The following GLI3 variants were observed in gnomAD, a reference collection of about 807,000 sequenced individuals.
GLI3 encodes the protein GLI family zinc finger 3.
GLI3 carries 20 observed loss-of-function variants against 100.8 expected under a neutral mutation model. That is an observed-to-expected ratio of 0.20 (90% CI 0.14 to 0.29). The LOEUF is 0.29. Ranked by LOEUF, GLI3 falls within the 10% of genes least tolerant of loss-of-function variation. The probability of loss-of-function intolerance (pLI) is 1.00; values close to 1 mark genes in which losing one functional copy is unlikely to be tolerated. For missense variants in GLI3, 2,040 were observed against 2,128.5 expected (o/e 0.96, Z 0.82); for synonymous variants, 938 against 860.5 (o/e 1.09, Z -1.58).
chr7:42,182,670 A>ATATATG (rs1787632051), intron 2 of GLI3, among the ~76,000 whole-genome samples: 1 of 73,352 alleles, frequency 1.4e-5, no homozygotes. Flanking sequence ...ATATATATAT[A>ATATATG]TATATATATA....
intron 10 of GLI3, among the ~76,000 whole-genome samples, chr7:42,005,638 T>A (rs2128723438): frequency 6.6e-6 from 1 of 152,032 alleles, no homozygotes; most frequent in South Asian, 2.1e-4. Flanking sequence ...CCTCCCCAGG[T>A]CTCCTGTCCA....
chr7:42,259,585 T>C (rs1367780636), intron 1 of GLI3, among the ~76,000 whole-genome samples: 1 of 152,240 alleles, frequency 6.6e-6, no homozygotes, highest in Non-Finnish European at 1.5e-5. Flanking sequence ...GTTATTATTA[T>C]TGCTGAACAT....
intron 7 of GLI3, among the ~76,000 whole-genome samples, chr7:42,034,015 A>C (rs1449306154): frequency 1.3e-5 from 2 of 152,226 alleles, no homozygotes; most frequent in African/African-American, 4.8e-5. Context: ...TGATCTAAAA[A>C]GCTAAAAAGC....
intron 2 of GLI3, among the ~76,000 whole-genome samples, chr7:42,200,950 A>G (rs1049978972): frequency 1.3e-5 from 2 of 152,196 alleles, no homozygotes; most frequent in African/African-American, 4.8e-5. Flanking sequence ...CAATAAAATT[A>G]TGTGCAATTT....
intron 1 of GLI3, among the ~76,000 whole-genome samples, chr7:42,232,395 G>A (rs1017703637): frequency 6.6e-6 from 1 of 152,208 alleles, no homozygotes; most frequent in East Asian, 1.9e-4. Flanking sequence ...TCTACAAGTC[G>A]ACAGAGTACA....
At chr7:42,233,758 A>G (rs1381773865) in intron 1 of GLI3, among the ~76,000 whole-genome samples, 1 of 152,200 alleles carries the variant, frequency 6.6e-6, no homozygotes, top group Non-Finnish European at 1.5e-5. Context: ...TTGAAACCAG[A>G]AACAGATCAA....
intron 4 of GLI3, among the ~76,000 whole-genome samples, chr7:42,053,983 G>A (rs1291339927): frequency 1.3e-5 from 2 of 152,160 alleles, no homozygotes; most frequent in Non-Finnish European, 2.9e-5. Context: ...CTTGGCTCCT[G>A]TATGCAATGC....
chr7:42,048,381 G>A (rs1266255341), intron 5 of GLI3, 110 bp downstream of exon 5: 2 of 811,096 alleles, frequency 2.5e-6, no homozygotes, highest in African/African-American at 3.4e-5. Context: ...CACAGCGCCT[G>A]GCACATGGGA....
At chr7:42,157,202 C>T (rs1787022865) in intron 2 of GLI3, among the ~76,000 whole-genome samples, 1 of 152,188 alleles carries the variant, frequency 6.6e-6, no homozygotes, top group Non-Finnish European at 1.5e-5. Context: ...GCAACAGAAA[C>T]CCCCTTTAGC....
At chr7:42,242,597 C>T (rs949631616), upstream of GLI3, among the ~76,000 whole-genome samples, 2 of 152,162 alleles carry the variant, frequency 1.3e-5, no homozygotes, top group African/African-American at 4.8e-5. Flanking sequence ...GACTTCTCTT[C>T]CCTTAGGCAG....
chr7:42,262,242 T>TTCCTTCCTTCCTTCCTTCCG (rs1789152521), intron 1 of GLI3, among the ~76,000 whole-genome samples: 1 of 148,286 alleles, frequency 6.7e-6, no homozygotes, highest in Non-Finnish European at 1.5e-5. Flanking sequence ...CCTTCCTTCC[T>TTCCTTCCTTCCTTCCTTCCG]TCCTTTCTTC....
At chr7:42,068,968 G>C (rs17640580) in intron 4 of GLI3, among the ~76,000 whole-genome samples, 9,349 of 152,178 alleles carry the variant, frequency 0.061, 453 homozygotes, top group Non-Finnish European at 0.095. Flanking sequence ...TTTCTTTGAA[G>C]CCAGGCTTAA....
intron 2 of GLI3, among the ~76,000 whole-genome samples, chr7:42,181,284 A>C (rs757558998): frequency 1.3e-5 from 2 of 152,226 alleles, no homozygotes; most frequent in African/African-American, 2.4e-5. Flanking sequence ...GCAATGGGTA[A>C]CATGACTTAA....
rs1426874684 is a variant in GLI3 at position 42,076,605 on chromosome 7, A to G, written c.473+147T>C. The G allele has an allele frequency of 5.9e-6, 4 of 681,608 alleles. No homozygotes were observed. The East Asian group carries it at 8.1e-5, about 14-fold the overall frequency. 42.2% of individuals were successfully genotyped at this position (681,608 alleles called of 1,614,324 possible). A position where few individuals can be genotyped will look rare whatever the true frequency, so the allele number is the denominator to read the frequency against. On this transcript the variant is annotated intron_variant, in intron 4 of 14. Coordinates refer to ENST00000395925, the MANE Select transcript of GLI3 (RefSeq NM_000168.6). ...GATTTGCTTCAGTGAACCCACGAAC[A>G]GATAGGCTTGCTATATTTCAAAAGT...
intron 10 of GLI3, among the ~76,000 whole-genome samples, chr7:41,999,356 T>G (rs1409937398): frequency 6.6e-6 from 1 of 152,206 alleles, no homozygotes; most frequent in African/African-American, 2.4e-5. Context: ...TGGACACATC[T>G]TCTGAATCAG....
chr7:42,049,164 A>G (rs188262276), intron 4 of GLI3, among the ~76,000 whole-genome samples: 18 of 152,356 alleles, frequency 1.2e-4, no homozygotes, highest in Non-Finnish European at 2.1e-4. Flanking sequence ...ACAGAACAGA[A>G]TGAAAGAATA....
chr7:42,043,440 A>G (rs1426661265), intron 6 of GLI3, among the ~76,000 whole-genome samples: 1 of 152,180 alleles, frequency 6.6e-6, no homozygotes, highest in Admixed American at 6.5e-5. Flanking sequence ...GCATTTTCAG[A>G]ACAGCCAAAA....
At chr7:42,088,618 C>G (rs1785153267) in intron 3 of GLI3, among the ~76,000 whole-genome samples, 1 of 152,222 alleles carries the variant, frequency 6.6e-6, no homozygotes, top group African/African-American at 2.4e-5. Context: ...GCAGAGGCCA[C>G]TCATTGCCCA....
chr7:42,195,131 A>C (rs549246741), intron 2 of GLI3, among the ~76,000 whole-genome samples: 13 of 152,222 alleles, frequency 8.5e-5, no homozygotes, highest in African/African-American at 3.1e-4. Flanking sequence ...ACCAGTCTGC[A>C]CTTGAGTTAA....
Sources: allele counts gnomAD v4.1 joint callset (sites outside exome capture counted in the v4.1 genomes callset), GRCh38; gene constraint gnomAD v4.1.1; transcripts MANE v1.5; gene names NCBI Gene and HGNC (gene_info 2026-07-23, HGNC 2026-07-21).